Variants in IFI16 observed in about 807,000 individuals in gnomAD.
IFI16 encodes the protein gamma-interferon-inducible protein 16.
Under a neutral mutation model 68.4 loss-of-function variants are expected in IFI16, and 49 were observed. The ratio of observed to expected loss-of-function variants is 0.72; its 90% CI spans 0.57 to 0.91. IFI16 has a LOEUF of 0.91. Ranked by LOEUF, IFI16 falls within the 40% of genes least tolerant of loss-of-function variation. The pLI is 0.00. For missense variants in IFI16, 878 were observed against 942.9 expected, an observed-to-expected ratio of 0.93 and a Z score of 0.90; for synonymous variants, 307 against 315.0, an observed-to-expected ratio of 0.97 and a Z score of 0.27.
intron 8 of IFI16, among the ~76,000 whole-genome samples, chr1:159,046,518 T>C (rs1654994589): frequency 1.3e-5 from 2 of 151,386 alleles, no homozygotes; most frequent in Non-Finnish European, 3.0e-5. Context: ...GAATAATTGC[T>C]ATTTTTTCCT....
In IFI16 at chr1:159,012,975, T is replaced by C. The variant is rs182102943; in HGVS notation, c.-20-1686T>C. Among the ~76,000 whole-genome samples the C allele has an allele frequency of 1.5e-3, 234 of 152,314 alleles. 1 individual carries two copies. Among genetic ancestry groups the C allele is most frequent in the Middle Eastern group, 0.014 (4 of 294 alleles). On this transcript the variant is annotated intron_variant, in intron 1 of 11. Transcript: ENST00000295809. ...TGTCCTGCTTCAGGCAGTTTTGATA[T>C]AGAGATTCACTTTCAATTTGATTCT...
rs762878708 is a variant in IFI16, at chr1:159,012,459, CAT to C, written c.-20-2201_-20-2200del. On this transcript the variant is annotated intron_variant, in intron 1 of 11. Transcript: ENST00000295809. Reference sequence around the variant, plus strand: ...AAAGCACTAATATTGCAAAACAAAACATGTGAGTGTTCACATTTCAGTGAAAT... The same window carrying C: ...AAAGCACTAATATTGCAAAACAAAACGTGAGTGTTCACATTTCAGTGAAAT... Among the ~76,000 whole-genome samples, 6 of 152,244 alleles carry C rather than the reference CAT, an allele frequency of 3.9e-5. No individual in the cohort carries two copies. The South Asian group carries it at 8.3e-4, about 21-fold the overall frequency.
Position 159,013,061 on chromosome 1 carries a change from T to C in IFI16, c.-20-1600T>C, listed in dbSNP as rs59448416. Among the ~76,000 whole-genome samples, 1,517 of 152,220 alleles carry C rather than the reference T, an allele frequency of 1.0e-2. 32 individuals are homozygous for C. Among genetic ancestry groups the C allele is most frequent in the African/African-American group, 0.034 (1,420 of 41,524 alleles). ...AGGCTTACAGAGTATTTTTGTTCATTATATTCTTCAGTTTCACTATAATGT... is the reference window on the plus strand; with the variant it reads ...AGGCTTACAGAGTATTTTTGTTCATCATATTCTTCAGTTTCACTATAATGT... On this transcript the variant is annotated intron_variant, in intron 1 of 11. Coordinates refer to ENST00000295809, the MANE Select transcript of IFI16 (RefSeq NM_001376587.1).
chr1:159,031,043 C>A lies in IFI16; in HGVS notation c.1162-1481C>A, dbSNP rs188480227. Among the ~76,000 whole-genome samples the A allele has an allele frequency of 5.6e-3, 851 of 152,136 alleles. 5 individuals carry two copies. Among genetic ancestry groups the A allele is most frequent in the Non-Finnish European group, 8.9e-3 (604 of 67,996 alleles). On this transcript the variant is annotated intron_variant, in intron 6 of 11. Coordinates refer to ENST00000295809, the MANE Select transcript of IFI16 (RefSeq NM_001376587.1). ...TGGGGGATGGGGTGTGATTCTCAGG[C>A]CAATGGAGGTATATTCCCAAGGGAA...
At position 159,010,082 on chromosome 1, in the gene IFI16, C is replaced by T. The variant is rs946602664; in HGVS notation, c.-100C>T. The T allele has an allele frequency of 6.6e-6, 1 of 150,666 alleles. No homozygotes were observed. Among genetic ancestry groups the T allele is most frequent in the African/African-American group, 2.5e-5 (1 of 40,026 alleles). The allele number at this position is 150,666 out of a possible 1,614,324, so 9.3% of individuals were successfully genotyped here. ...TGGGAACTTTACTGATTTATCTCCC[C>T]CCTCACACAAATAAGCATTGATTCC... On this transcript the variant is annotated 5_prime_UTR_variant, in exon 1 of 12. Coordinates refer to ENST00000295809, the MANE Select transcript of IFI16 (RefSeq NM_001376587.1).
chr1:159,013,515 A>G (rs897187371), intron 1 of IFI16, among the ~76,000 whole-genome samples: 1 of 152,164 alleles, frequency 6.6e-6, no homozygotes, highest in African/African-American at 2.4e-5. Context: ...ACACAAAGAC[A>G]TCATTCCTAA....
intron 7 of IFI16, among the ~76,000 whole-genome samples, chr1:159,038,932 A>C (rs1410807896): frequency 6.6e-6 from 1 of 152,192 alleles, no homozygotes; most frequent in Admixed American, 6.5e-5. Context: ...GTATGCCCAA[A>C]CAGCCAACAC....
chr1:159,049,370 G>T, intron 8 of IFI16, 62 bp from the exon 9 acceptor site: 2 of 813,780 alleles, frequency 2.5e-6, no homozygotes, highest in Non-Finnish European at 3.8e-6. Context: ...GAAAAGATGT[G>T]TTTCATCTGA....
chr1:159,049,600 G>T lies in IFI16; in HGVS notation c.1665+1G>T. 1 of 1,609,324 alleles carries T rather than the reference G, an allele frequency of 6.2e-7. No individual in the cohort carries two copies. Among genetic ancestry groups the T allele is most frequent in the Non-Finnish European group, 8.5e-7 (1 of 1,178,492 alleles). On this transcript the variant is annotated splice_donor_variant, in intron 9 of 11. Coordinates refer to ENST00000295809, the MANE Select transcript of IFI16 (RefSeq NM_001376587.1). LOFTEE classifies it high-confidence loss of function. ...ACCAAGCAGCAGTTTCTTAACCACG[G>T]TACAAGTTCCCTCTTCCCAATACAT...
At chr1:159,003,699 C>T (rs541182713), upstream of IFI16, among the ~76,000 whole-genome samples, 491 of 152,240 alleles carry the variant, frequency 3.2e-3, 5 homozygotes, top group African/African-American at 0.011. Flanking sequence ...CTCGCTTTGT[C>T]GCCCAGGCTG....
upstream of IFI16, among the ~76,000 whole-genome samples, chr1:159,002,924 C>T (rs760939611): frequency 1.3e-5 from 2 of 152,172 alleles, no homozygotes; most frequent in Non-Finnish European, 2.9e-5. Flanking sequence ...CCTCACTGCA[C>T]ATTCTTGAAG....
rs139035259 is a variant in IFI16 at position 159,025,794 on chromosome 1, A to G, written c.1161+5265A>G. On this transcript the variant is annotated intron_variant, in intron 6 of 11. Coordinates refer to ENST00000295809, the MANE Select transcript of IFI16 (RefSeq NM_001376587.1). ...TCCGATATTATCTTCTAGAATCTTT[A>G]TGGTTTCTGGTCTTAGATTTAAGTT... Among the ~76,000 whole-genome samples, 402 of 152,296 alleles carry G rather than the reference A, an allele frequency of 2.6e-3. 1 individual carries two copies. Among genetic ancestry groups the G allele is most frequent in the African/African-American group, 7.7e-3 (322 of 41,564 alleles).
At chr1:159,003,263 GT>G (rs1652125032), upstream of IFI16, among the ~76,000 whole-genome samples, 1 of 152,038 alleles carries the variant, frequency 6.6e-6, no homozygotes, top group African/African-American at 2.4e-5. Context: ...AAATCGCATG[GT>G]TTATTTTAAT....
chr1:159,045,431 T>A lies in IFI16; in HGVS notation c.1464T>A (p.Pro488=), dbSNP rs1382799538. Residue 488 remains proline, a synonymous_variant, in exon 8 of 12, where the codon CCT becomes CCA. Coordinates refer to ENST00000295809, the MANE Select transcript of IFI16 (RefSeq NM_001376587.1). The part of the protein sequence containing the change: ...AESHPHTPQM[P]PSTPSSSFLT... Reference sequence around the variant, plus strand: ...GCCATCCCCACACTCCTCAGATGCCTCCATCAACACCAAGCAGCAGTTTCT... The same window carrying A: ...GCCATCCCCACACTCCTCAGATGCCACCATCAACACCAAGCAGCAGTTTCT... 1 of 1,581,780 alleles carries A rather than the reference T, an allele frequency of 6.3e-7. No homozygotes were observed. The highest frequency in any genetic ancestry group is 1.8e-5 in the Admixed American group (1 of 54,978).
At chr1:159,006,743 T>C (rs1226391513), upstream of IFI16, among the ~76,000 whole-genome samples, 5 of 152,184 alleles carry the variant, frequency 3.3e-5, no homozygotes, top group Admixed American at 2.0e-4. Context: ...CATTTCAATA[T>C]AGGGTGGTTC....
intron 7 of IFI16, among the ~76,000 whole-genome samples, chr1:159,040,694 C>A (rs927145409): frequency 7.9e-5 from 12 of 152,112 alleles, no homozygotes; most frequent in Admixed American, 7.9e-4. Context: ...AAATTCAAAT[C>A]CTGCACAGGC....
At chr1:159,042,780 G>A (rs1654735167) in intron 7 of IFI16, among the ~76,000 whole-genome samples, 1 of 151,468 alleles carries the variant, frequency 6.6e-6, no homozygotes, top group South Asian at 2.1e-4. Flanking sequence ...AGACAACACA[G>A]GGGTGGGAAA....
intron 8 of IFI16, among the ~76,000 whole-genome samples, chr1:159,049,166 G>A (rs1655188857): frequency 6.7e-6 from 1 of 149,810 alleles, no homozygotes; most frequent in Non-Finnish European, 1.5e-5. Context: ...ACTCAGTCCA[G>A]TTTTACAGGA....
intron 7 of IFI16, among the ~76,000 whole-genome samples, chr1:159,041,782 A>C (rs900118373): frequency 6.6e-6 from 1 of 152,212 alleles, no homozygotes; most frequent in Admixed American, 6.5e-5. Flanking sequence ...TTATGTCAGT[A>C]TCTAGACACA....
Sources: gnomAD v4.1 joint callset for allele counts (sites outside exome capture counted in the v4.1 genomes callset) on GRCh38, gnomAD v4.1.1 for gene constraint, MANE v1.5 for transcripts, NCBI Gene and HGNC (gene_info 2026-07-23, HGNC 2026-07-21) for gene names.